The following OTOGL variants were observed in gnomAD, a reference collection of about 807,000 sequenced individuals.
The protein encoded by OTOGL is otogelin-like protein.
OTOGL carries 285 observed loss-of-function variants against 318.5 expected under a neutral mutation model. The ratio of observed to expected loss-of-function variants is 0.89; its 90% CI spans 0.81 to 0.99. The LOEUF (loss-of-function observed/expected upper bound fraction) is 0.99, where lower values mean the gene tolerates loss of function less well. OTOGL is among the 50% of genes least tolerant of loss of function. The pLI is 0.00. For missense variants in OTOGL, 2,899 were observed against 2,845.6 expected (o/e 1.02, Z -0.43); for synonymous variants, 987 against 936.5 (o/e 1.05, Z -0.99).
chr12:80,328,995 TG>T, intron 36 of OTOGL, 55 bp from the exon 37 acceptor site: 1 of 1,446,664 alleles, frequency 6.9e-7, no homozygotes, highest in Non-Finnish European at 9.4e-7. Context: ...ATGAAATATG[TG>T]GGTCTAATTT....
At chr12:80,305,305 A>C (rs956986980) in intron 28 of OTOGL, among the ~76,000 whole-genome samples, 2 of 152,174 alleles carry the variant, frequency 1.3e-5, no homozygotes, top group African/African-American at 4.8e-5. Flanking sequence ...AAAGTTATTT[A>C]TGTTATTAGT....
intron 36 of OTOGL, 151 bp from the exon 37 acceptor site, chr12:80,328,900 C>T (rs1054230201): frequency 1.0e-6 from 1 of 1,000,514 alleles, no homozygotes; most frequent in African/African-American, 1.6e-5. Flanking sequence ...TCCCTAATTA[C>T]TTTTTAAATC....
intron 1 of OTOGL, among the ~76,000 whole-genome samples, chr12:80,100,431 T>G (rs2137062102): frequency 6.6e-6 from 1 of 152,296 alleles, no homozygotes; most frequent in African/African-American, 2.4e-5. Flanking sequence ...AAATATCATA[T>G]GTACCCCATA....
In OTOGL at chr12:80,329,019, G is replaced by C. The variant is rs762311342; in HGVS notation, c.4280-32G>C. 10 of 1,551,140 alleles carry C rather than the reference G, an allele frequency of 6.4e-6. No homozygotes were observed. The South Asian group carries it at 1.2e-4, about 19-fold the overall frequency. ...GTGGGTCTAATTTTATGCAAATACA[G>C]TTTTATAAAGAGCACCTTTGTTTCT... On this transcript the variant is annotated intron_variant, in intron 36 of 58. Coordinates refer to ENST00000547103, the MANE Select transcript of OTOGL (RefSeq NM_001378609.3).
chr12:80,238,299 C>T (rs1205009094), intron 9 of OTOGL, among the ~76,000 whole-genome samples: 1 of 152,118 alleles, frequency 6.6e-6, no homozygotes. Context: ...ACTTCTTAGT[C>T]TTCTCTTCTA....
At chr12:80,337,128 T>C in intron 42 of OTOGL, 124 bp downstream of exon 42, 2 of 697,516 alleles carry the variant, frequency 2.9e-6, no homozygotes. Context: ...ATAGTAATCA[T>C]TTCATAGACA....
At chr12:80,282,110 C>T (rs571048835) in intron 26 of OTOGL, among the ~76,000 whole-genome samples, 61 of 151,850 alleles carry the variant, frequency 4.0e-4, no homozygotes, top group African/African-American at 1.4e-3. Flanking sequence ...AAATTTTAGG[C>T]ATTACTGATC....
At chr12:80,183,111 C>A (rs775230643) in intron 1 of OTOGL, among the ~76,000 whole-genome samples, 1 of 151,958 alleles carries the variant, frequency 6.6e-6, no homozygotes, top group East Asian at 1.9e-4. Flanking sequence ...ACAATTGGTG[C>A]CTTCATCAAC....
chr12:80,299,201 C>G (rs34647536), intron 27 of OTOGL, among the ~76,000 whole-genome samples: 1 of 152,150 alleles, frequency 6.6e-6, no homozygotes, highest in Non-Finnish European at 1.5e-5. Context: ...GGGTAGCAAT[C>G]AACCTTTGGG....
chr12:80,356,748 C>A, intron 48 of OTOGL, 59 bp from the exon 49 acceptor site: 1 of 1,025,092 alleles, frequency 9.8e-7, no homozygotes, highest in South Asian at 1.8e-5. Context: ...GAGAGGTAAA[C>A]ACTATGTCAT....
At chr12:80,141,969 C>T (rs1190032185) in intron 1 of OTOGL, among the ~76,000 whole-genome samples, 2 of 152,102 alleles carry the variant, frequency 1.3e-5, no homozygotes, top group Non-Finnish European at 2.9e-5. Flanking sequence ...TACACTCCAT[C>T]CTCAACCTTC....
chr12:80,283,535 T>C (rs1042541485), intron 26 of OTOGL, among the ~76,000 whole-genome samples: 1 of 152,106 alleles, frequency 6.6e-6, no homozygotes, highest in South Asian at 2.1e-4. Context: ...CTAGATTGTG[T>C]ATCATTTTAT....
intron 14 of OTOGL, 41 bp downstream of exon 14, chr12:80,253,615 G>C: frequency 1.3e-5 from 19 of 1,485,910 alleles, no homozygotes; most frequent in Non-Finnish European, 1.5e-5. Flanking sequence ...TGGGTACTTG[G>C]CTAGTTGACA....
chr12:80,227,940 A>G (rs1006522728), intron 7 of OTOGL, among the ~76,000 whole-genome samples: 2 of 152,048 alleles, frequency 1.3e-5, no homozygotes, highest in African/African-American at 2.4e-5. Context: ...TTAACATAGT[A>G]TATATTTTAG....
intron 46 of OTOGL, among the ~76,000 whole-genome samples, 193 bp from the exon 47 acceptor site, chr12:80,355,543 T>C (rs1202540711): frequency 3.0e-4 from 45 of 151,888 alleles, no homozygotes; most frequent in Admixed American, 1.8e-3. Flanking sequence ...ATATTTTCTG[T>C]GGACTAAGTA....
intron 4 of OTOGL, among the ~76,000 whole-genome samples, chr12:80,216,854 G>A (rs140084387): frequency 1.3e-5 from 2 of 152,152 alleles, no homozygotes; most frequent in Non-Finnish European, 2.9e-5. Context: ...GCTAAATGAC[G>A]AGTTAATGGG....
chr12:80,152,683 TTTTA>T (rs1210646941), intron 1 of OTOGL, among the ~76,000 whole-genome samples: 4 of 152,160 alleles, frequency 2.6e-5, no homozygotes, highest in African/African-American at 4.8e-5. Flanking sequence ...AATTTTTAAA[TTTTA>T]TTTATTTATT....
chr12:80,209,502 C>T lies in OTOGL; in HGVS notation c.71C>T (p.Ser24Leu). 1 of 1,481,182 alleles carries T rather than the reference C, an allele frequency of 6.8e-7. No homozygotes were observed. The highest frequency in any genetic ancestry group is 1.2e-5 in the South Asian group (1 of 81,046). The allele number at this position is 1,481,182 out of a possible 1,614,324, so 91.8% of individuals were successfully genotyped here. ...SIFLLHVLLF[S>L]LQEYICASSI... ...TTCTTGCTTCATGTACTGCTGTTTT[C>T]ATTACAAGGTAAGAACTCAGATTAA... The change falls in exon 2 of 59, where the codon TCA becomes TTA. Residue 24 changes from serine (S) to leucine (L), a missense_variant. Physicochemically the swap from Ser to Leu is moderately radical, Grantham distance 145. Around this residue, in one of 3 missense-constraint regions of OTOGL, gnomAD observed 2,607 missense variants for 2,524.9 expected, o/e 1.03. Coordinates refer to ENST00000547103, the MANE Select transcript of OTOGL (RefSeq NM_001378609.3).
In OTOGL at chr12:80,367,555, T is replaced by C. The variant is rs1214470639; in HGVS notation, c.6332-6T>C. The stretch of plus-strand genomic sequence containing the variant: ...TTTTCTTATTGACTATGTTTTCTGT[T>C]CTTAGAAAAGGATGATGTGTGTGTA... On this transcript the variant is annotated splice_region_variant and splice_polypyrimidine_tract_variant and intron_variant, in intron 53 of 58. Coordinates refer to ENST00000547103, the MANE Select transcript of OTOGL (RefSeq NM_001378609.3). 1 of 1,493,126 alleles carries C rather than the reference T, an allele frequency of 6.7e-7. No homozygotes were observed. The highest frequency in any genetic ancestry group is 2.2e-5 in the Admixed American group (1 of 46,400). 92.5% of individuals were successfully genotyped at this position (1,493,126 alleles called of 1,614,324 possible). A position where few individuals can be genotyped will look rare whatever the true frequency, so the allele number is the denominator to read the frequency against.
Sources: gnomAD v4.1 joint callset for allele counts (sites outside exome capture counted in the v4.1 genomes callset) on GRCh38, gnomAD v4.1.1 for gene constraint, gnomAD v4.1.1 regional missense constraint, MANE v1.5 for transcripts, NCBI Gene and HGNC (gene_info 2026-07-23, HGNC 2026-07-21) for gene names.